The following RPL10 variants were observed in gnomAD, a reference collection of about 807,000 sequenced individuals.
RPL10 encodes ribosomal protein L10.
A neutral mutation model predicts 15.7 loss-of-function variants in RPL10; 1 was observed. That is an observed-to-expected ratio of 0.06 (90% CI 0.02 to 0.30). RPL10 has a LOEUF of 0.30. Ranked by LOEUF, RPL10 falls within the 10% of genes least tolerant of loss-of-function variation. The pLI is 1.00. For synonymous variants in RPL10, 59 were observed against 64.0 expected, an observed-to-expected ratio of 0.92 and a Z score of 0.37; for missense variants, 54 against 183.4, an observed-to-expected ratio of 0.29 and a Z score of 4.08.
chrX:154,400,774 C>A lies in RPL10; in HGVS notation c.565C>A (p.Arg189=), dbSNP rs1019534975. The A allele has an allele frequency of 8.3e-7, 1 of 1,211,395 alleles. No individual in the cohort carries two copies. Among genetic ancestry groups the A allele is most frequent in the South Asian group, 1.8e-5 (1 of 56,982 alleles). The change falls in exon 7 of 7, where the codon CGG becomes AGG. Residue 189 remains arginine, a synonymous_variant. Coordinates refer to ENST00000369817, the MANE Select transcript of RPL10 (RefSeq NM_006013.5). ...DEFEDMVAEK[R]LIPDGCGVKY... ...ATTTGAAGACATGGTGGCTGAAAAG[C>A]GGCTCATCCCAGATGGCTGTGGGGT...
At chrX:154,398,170 T>G (rs782317315), upstream of RPL10, 5 of 418,575 alleles carry the variant, frequency 1.2e-5, no homozygotes, top group South Asian at 1.4e-4. Context: ...GAAGCCCCAT[T>G]CGTCAGCTGG....
In RPL10 at chrX:154,401,684, TGTTGGCC is replaced by T. The variant is rs1557186447; in HGVS notation, c.*831_*837del. 1 of 112,147 alleles carries T rather than the reference TGTTGGCC, an allele frequency of 8.9e-6. No individual in the cohort carries two copies. Among genetic ancestry groups the T allele is most frequent in the East Asian group, 2.8e-4 (1 of 3,596 alleles). The allele number at this position is 112,147 out of a possible 1,213,427, so 9.2% of individuals were successfully genotyped here. Reference sequence around the variant, plus strand: ...GGCTTTTGGTCCCAGAGCTGGGGTATGTTGGCCCCAGCCCCCAGCCTGTGGCTCCCAA... The same window carrying T: ...GGCTTTTGGTCCCAGAGCTGGGGTATCCAGCCCCCAGCCTGTGGCTCCCAA... On this transcript the variant is annotated 3_prime_UTR_variant, in exon 7 of 7. Coordinates refer to ENST00000369817, the MANE Select transcript of RPL10 (RefSeq NM_006013.5).
At chrX:154,398,221 G>A (rs1557184732), upstream of RPL10, 1 of 479,818 alleles carries the variant, frequency 2.1e-6, no homozygotes, top group Non-Finnish European at 3.8e-6. Context: ...TCTGATCTGC[G>A]CATGTGCTGG....
Sources: gnomAD v4.1 joint callset for allele counts on GRCh38, gnomAD v4.1.1 for gene constraint, MANE v1.5 for transcripts, NCBI Gene and HGNC (gene_info 2026-07-23, HGNC 2026-07-21) for gene names.